Variants in NXN observed in about 807,000 individuals in gnomAD.
NXN encodes nucleoredoxin 1.
NXN carries 16 observed loss-of-function variants against 48.6 expected under a neutral mutation model. That is an observed-to-expected ratio of 0.33 (90% CI 0.22 to 0.50). The LOEUF is 0.50. Among genes scored for constraint, NXN ranks in the 20% least tolerant of loss-of-function variants. NXN has a pLI of 0.98. For missense variants in NXN, 492 were observed against 605.5 expected, an observed-to-expected ratio of 0.81 and a Z score of 1.97; for synonymous variants, 281 against 269.6, an observed-to-expected ratio of 1.04 and a Z score of -0.41.
chr17:877,498 TACG>T (rs1352267763), intron 1 of NXN, among the ~76,000 whole-genome samples: 2 of 152,180 alleles, frequency 1.3e-5, no homozygotes, highest in African/African-American at 4.8e-5. Flanking sequence ...GGATTCCTTC[TACG>T]TGTGAAGCCC....
chr17:889,763 A>AAAGAAAG (rs1567850413), intron 1 of NXN, among the ~76,000 whole-genome samples: 2 of 121,334 alleles, frequency 1.6e-5, no homozygotes, highest in African/African-American at 7.4e-5. Context: ...AAGAAAGAAA[A>AAAGAAAG]AGAAAGAAAG....
intron 1 of NXN, among the ~76,000 whole-genome samples, chr17:855,994 A>C (rs2067982190): frequency 6.6e-6 from 1 of 152,146 alleles, no homozygotes; most frequent in South Asian, 2.1e-4. Context: ...GGAGATCAAG[A>C]CCATCCTGGC....
At chr17:974,267 C>T (rs546228533) in intron 1 of NXN, among the ~76,000 whole-genome samples, 1 of 151,868 alleles carries the variant, frequency 6.6e-6, no homozygotes, top group East Asian at 2.0e-4. Context: ...AGGAGCATGG[C>T]GTGAACCCGG....
intron 1 of NXN, among the ~76,000 whole-genome samples, chr17:957,671 A>G (rs773442872): frequency 1.1e-4 from 16 of 151,104 alleles, no homozygotes; most frequent in Non-Finnish European, 1.6e-4. Context: ...GGCCCAGCAG[A>G]AGGTTCTTTG....
chr17:856,137 G>A (rs553200136), intron 1 of NXN, among the ~76,000 whole-genome samples: 1 of 152,032 alleles, frequency 6.6e-6, no homozygotes, highest in East Asian at 1.9e-4. Flanking sequence ...AGGTTGCAGT[G>A]AGCCAAGGTC....
intron 1 of NXN, among the ~76,000 whole-genome samples, chr17:848,344 T>C (rs1178242104): frequency 1.3e-5 from 2 of 152,332 alleles, no homozygotes; most frequent in East Asian, 3.9e-4. Context: ...TTCACCATGT[T>C]GGCCAGGGCT....
rs1280303779 is a variant in NXN at position 805,238 on chromosome 17, G to A, written c.830C>T (p.Thr277Met). 16 of 1,610,116 alleles carry A rather than the reference G, an allele frequency of 9.9e-6. No individual in the cohort carries two copies. The highest frequency in any genetic ancestry group is 5.3e-5 in the African/African-American group (4 of 74,888). Residue 277 changes from threonine to methionine, a missense_variant, in exon 6 of 8, where the codon ACG becomes ATG. By Grantham distance (81) the Thr-to-Met change is moderately conservative. Around this residue, in one of 3 missense-constraint regions of NXN, gnomAD observed 303 missense variants for 388.3 expected, o/e 0.78. Coordinates refer to ENST00000336868, the MANE Select transcript of NXN (RefSeq NM_022463.5). ...NRLYGIQGIP[T>M]LIMLDPQGEV... ...GCCCTGCGGGTCCAGCATGATGAGC[G>A]TGGGGATGCCTGCAGGGAAGAGGGG...
At chr17:870,000 GGCCATTTAGCAAT>G (rs2068134682) in intron 1 of NXN, among the ~76,000 whole-genome samples, 1 of 152,158 alleles carries the variant, frequency 6.6e-6, no homozygotes, top group African/African-American at 2.4e-5. Flanking sequence ...GCTTCCCACG[GGCCATTTAGCAAT>G]GCCTGGGAAC....
At position 800,785 on chromosome 17, in the gene NXN, G is replaced by C; in HGVS notation, c.*164C>G. 1 of 431,838 alleles carries C rather than the reference G, an allele frequency of 2.3e-6. No individual in the cohort carries two copies. Among genetic ancestry groups the C allele is most frequent in the South Asian group, 7.9e-5 (1 of 12,676 alleles). 26.8% of individuals were successfully genotyped at this position (431,838 alleles called of 1,614,324 possible). A position where few individuals can be genotyped will look rare whatever the true frequency, so the allele number is the denominator to read the frequency against. On this transcript the variant is annotated 3_prime_UTR_variant, in exon 8 of 8. Transcript: ENST00000336868. The stretch of plus-strand genomic sequence containing the variant: ...CTGCCGCTGCTGATTCCACACCCCA[G>C]GGTGCTGGCTGAGGAGTTTACTGCA...
At chr17:939,801 A>G (rs376380490) in intron 1 of NXN, among the ~76,000 whole-genome samples, 4 of 152,358 alleles carry the variant, frequency 2.6e-5, no homozygotes, top group African/African-American at 9.6e-5. Flanking sequence ...GGTCTGCAGG[A>G]GACTGATCCC....
intron 5 of NXN, among the ~76,000 whole-genome samples, chr17:810,772 C>T (rs1260444889): frequency 5.9e-5 from 9 of 152,256 alleles, no homozygotes; most frequent in Admixed American, 1.3e-4. Flanking sequence ...CCCTGTACTC[C>T]CAGCTACTCA....
intron 1 of NXN, among the ~76,000 whole-genome samples, chr17:901,318 A>G (rs888354947): frequency 1.5e-4 from 23 of 152,220 alleles, no homozygotes; most frequent in Admixed American, 2.0e-4. Context: ...TGATCTCTAC[A>G]TGAAATGGAA....
intron 1 of NXN, among the ~76,000 whole-genome samples, chr17:886,152 G>A (rs1169947891): frequency 1.3e-5 from 2 of 152,016 alleles, no homozygotes; most frequent in Non-Finnish European, 2.9e-5. Flanking sequence ...TTCTGACCAC[G>A]GGTCCGGGTT....
intron 1 of NXN, 23 bp downstream of exon 1, chr17:979,296 C>CGGGCGTGGGGGGCGGGCAGGGGG: frequency 7.8e-7 from 1 of 1,285,670 alleles, no homozygotes; most frequent in Non-Finnish European, 1.0e-6. Context: ...CGGGCAGGGG[C>CGGGCGTGGGGGGCGGGCAGGGGG]CGGCGAGGCC....
intron 1 of NXN, among the ~76,000 whole-genome samples, chr17:885,814 G>A (rs535760299): frequency 4.6e-5 from 7 of 150,670 alleles, no homozygotes; most frequent in South Asian, 2.1e-4. Context: ...CCGAGTAGCT[G>A]GGACTACAGG....
At chr17:934,980 A>AT (rs79856003) in intron 1 of NXN, among the ~76,000 whole-genome samples, 41,966 of 150,676 alleles carry the variant, frequency 0.28, 6,170 homozygotes, top group South Asian at 0.37. Context: ...TGTGCTCTTT[A>AT]TTTTTTTTTA....
At chr17:857,266 CT>C (rs895286405) in intron 1 of NXN, among the ~76,000 whole-genome samples, 17 of 148,940 alleles carry the variant, frequency 1.1e-4, no homozygotes, top group South Asian at 2.1e-4. Flanking sequence ...TTTTTTCTTT[CT>C]TTTTTTTTTA....
chr17:825,975 C>T lies in NXN; in HGVS notation c.464G>A (p.Arg155Gln), dbSNP rs371999469. The change falls in exon 2 of 8, where the codon CGA becomes CAA. Residue 155 changes from arginine (R) to glutamine (Q), a missense_variant. Coordinates refer to ENST00000336868, the MANE Select transcript of NXN (RefSeq NM_022463.5). This position sits in a 1 kb window ranked among gnomAD's most constrained non-coding sequence, Gnocchi z 4.1. ...TGAGGTTTTACCTTCTGGGTCATCT[C>T]GGATCACCAGCAGCCCGTTCCTGCA... ...VVCRNGLLVI[R>Q]DDPEGLEFPW... is the part of the protein sequence containing the mutation. The T allele has an allele frequency of 3.7e-6, 6 of 1,610,106 alleles. No individual in the cohort carries two copies. Among genetic ancestry groups the T allele is most frequent in the African/African-American group, 1.3e-5 (1 of 74,810 alleles).
chr17:811,291 C>G (rs1363206739), intron 5 of NXN, among the ~76,000 whole-genome samples: 1 of 152,200 alleles, frequency 6.6e-6, no homozygotes, highest in Non-Finnish European at 1.5e-5. Flanking sequence ...AAGGTTGGGC[C>G]ACGGGAGCCA....
Sources: gnomAD v4.1 joint callset for allele counts (sites outside exome capture counted in the v4.1 genomes callset) on GRCh38, gnomAD v4.1.1 for gene constraint, gnomAD v4.1.1 regional missense constraint, Gnocchi (gnomAD v3.1) non-coding constraint, MANE v1.5 for transcripts, NCBI Gene and HGNC (gene_info 2026-07-23, HGNC 2026-07-21) for gene names.